The following NRXN3 variants were observed in gnomAD, a reference collection of about 807,000 sequenced individuals.
NRXN3 encodes neurexin 3.
Under a neutral mutation model 137.6 loss-of-function variants are expected in NRXN3, and 32 were observed. That is an observed-to-expected ratio of 0.23 (90% CI 0.18 to 0.31). NRXN3 has a LOEUF of 0.31. NRXN3 is among the 10% of genes least tolerant of loss of function. The pLI, the probability that NRXN3 is intolerant of heterozygous loss-of-function variation, is 1.00. For missense variants in NRXN3, 1,574 were observed against 2,062.5 expected (o/e 0.76, Z 4.59); for synonymous variants, 798 against 784.5 (o/e 1.02, Z -0.29).
At chr14:78,929,517 A>T (rs1252018524) in intron 10 of NRXN3, among the ~76,000 whole-genome samples, 1 of 152,066 alleles carries the variant, frequency 6.6e-6, no homozygotes, top group Non-Finnish European at 1.5e-5. Context: ...TCCATCCATG[A>T]TCCTGTAAAG....
intron 1 of NRXN3, among the ~76,000 whole-genome samples, chr14:78,190,638 T>TATTG (rs2060631446): frequency 2.0e-5 from 1 of 49,720 alleles, no homozygotes; most frequent in Admixed American, 1.5e-4. Flanking sequence ...TTTATTTATT[T>TATTG]ATTTATTTAT....
chr14:79,350,708 G>T (rs997038209), intron 15 of NRXN3, among the ~76,000 whole-genome samples: 43 of 152,120 alleles, frequency 2.8e-4, no homozygotes, highest in Admixed American at 1.3e-3. Context: ...TAAGGAGTAA[G>T]GTATTAGAGT....
chr14:79,183,840 C>G (rs1474729322), intron 15 of NRXN3, among the ~76,000 whole-genome samples: 2 of 152,200 alleles, frequency 1.3e-5, no homozygotes, highest in African/African-American at 2.4e-5. Flanking sequence ...AAGTTGACTT[C>G]CATAGCGTAG....
At chr14:79,120,695 T>C (rs931500730) in intron 15 of NRXN3, among the ~76,000 whole-genome samples, 1 of 152,152 alleles carries the variant, frequency 6.6e-6, no homozygotes, top group Non-Finnish European at 1.5e-5. Flanking sequence ...CACCTTTTCT[T>C]CTTTGAACAT....
At chr14:78,761,194 A>C (rs768222719) in intron 8 of NRXN3, among the ~76,000 whole-genome samples, 1 of 152,164 alleles carries the variant, frequency 6.6e-6, no homozygotes, top group African/African-American at 2.4e-5. Flanking sequence ...TCCACCCACC[A>C]TTCACAATAT....
Position 79,680,842 on chromosome 14 carries a change from C to T in NRXN3, c.3617-11331C>T, listed in dbSNP as rs1024238171. Among the ~76,000 whole-genome samples, 4 of 152,196 alleles carry T rather than the reference C, an allele frequency of 2.6e-5. No individual in the cohort carries two copies. In the East Asian group the frequency reaches 7.8e-4, roughly 30 times the overall value. ...GAGATCTTCCTCTCCACTCCTCATC[C>T]AAAGAGTGATAGAAGGAGGTCAGAT... On this transcript the variant is annotated intron_variant, in intron 17 of 20. Transcript: ENST00000335750.
intron 20 of NRXN3, among the ~76,000 whole-genome samples, chr14:79,843,530 G>T (rs1422513873): frequency 6.6e-6 from 1 of 152,106 alleles, no homozygotes; most frequent in African/African-American, 2.4e-5. Context: ...AGATTTCTCT[G>T]TAGCATGCAA....
At chr14:78,631,560 C>T (rs1339147178) in intron 4 of NRXN3, among the ~76,000 whole-genome samples, 4 of 152,236 alleles carry the variant, frequency 2.6e-5, no homozygotes, top group African/African-American at 9.6e-5. Context: ...TTATCCATCA[C>T]AAATGTCTTT....
chr14:78,915,504 A>T (rs1338437466), intron 10 of NRXN3, among the ~76,000 whole-genome samples: 1 of 152,086 alleles, frequency 6.6e-6, no homozygotes, highest in East Asian at 1.9e-4. Context: ...GTTATGAGAA[A>T]TATTCTAGAT....
chr14:78,600,387 T>C (rs890606992), intron 4 of NRXN3, among the ~76,000 whole-genome samples: 1 of 152,170 alleles, frequency 6.6e-6, no homozygotes, highest in African/African-American at 2.4e-5. Context: ...AAAATGTGTG[T>C]CTCTTGTCCC....
In NRXN3 at chr14:79,863,182, T is replaced by A. The variant is rs2141980456; in HGVS notation, c.*1218T>A. The A allele has an allele frequency of 6.5e-6, 1 of 152,680 alleles. No homozygotes were observed. Among genetic ancestry groups the A allele is most frequent in the South Asian group, 2.1e-4 (1 of 4,820 alleles). The allele number at this position is 152,680 out of a possible 1,614,324, so 9.5% of individuals were successfully genotyped here. A position where few individuals can be genotyped will look rare whatever the true frequency, so the allele number is the denominator to read the frequency against. Reference sequence around the variant, plus strand: ...ACAATGGTTTTCATAGTGGTTTAATTTTGTAGCCTGACATTTATGGATAAC... The same window carrying A: ...ACAATGGTTTTCATAGTGGTTTAATATTGTAGCCTGACATTTATGGATAAC... On this transcript the variant is annotated 3_prime_UTR_variant, in exon 21 of 21. Transcript: ENST00000335750.
intron 16 of NRXN3, among the ~76,000 whole-genome samples, chr14:79,532,351 G>C (rs563726984): frequency 3.3e-5 from 5 of 152,214 alleles, no homozygotes; most frequent in Admixed American, 2.6e-4. Flanking sequence ...AAAAATGTAA[G>C]TTACAAAAGC....
intron 16 of NRXN3, among the ~76,000 whole-genome samples, chr14:79,554,386 G>A (rs555336475): frequency 6.6e-6 from 1 of 152,146 alleles, no homozygotes; most frequent in African/African-American, 2.4e-5. Flanking sequence ...GTTCTTCATT[G>A]AGCATGACAT....
At chr14:79,571,191 G>A (rs74981723) in intron 16 of NRXN3, among the ~76,000 whole-genome samples, 2 of 152,220 alleles carry the variant, frequency 1.3e-5, no homozygotes, top group African/African-American at 4.8e-5. Context: ...CTTTAGGTAC[G>A]CTGTGGCATG....
intron 8 of NRXN3, among the ~76,000 whole-genome samples, chr14:78,800,520 T>G (rs1442950701): frequency 6.6e-6 from 1 of 152,202 alleles, no homozygotes; most frequent in East Asian, 1.9e-4. Flanking sequence ...CTTCATAATA[T>G]GTCTTATTGT....
chr14:78,709,134 A>T, intron 6 of NRXN3, 83 bp from the exon 7 acceptor site: 2 of 1,353,320 alleles, frequency 1.5e-6, no homozygotes, highest in Admixed American at 2.3e-5. Flanking sequence ...TTTTTGGGTC[A>T]TTTTTCCAGG....
intron 4 of NRXN3, among the ~76,000 whole-genome samples, chr14:78,379,059 G>A (rs138770239): frequency 2.2e-4 from 33 of 151,422 alleles, no homozygotes; most frequent in Admixed American, 1.2e-3. Context: ...AAAATCTACC[G>A]CAACTTGGTA....
At position 78,993,525 on chromosome 14, in the gene NRXN3, G is replaced by A. The variant is rs567540526; in HGVS notation, c.3262+5384G>A. Reference sequence around the variant, plus strand: ...TGTTTTCAGACTCTACCTGCCCAGCGAATAGGCCATATGTAAGAAGTTCAC... The same window carrying A: ...TGTTTTCAGACTCTACCTGCCCAGCAAATAGGCCATATGTAAGAAGTTCAC... On this transcript the variant is annotated intron_variant, in intron 15 of 20. Coordinates refer to ENST00000335750, the MANE Select transcript of NRXN3 (RefSeq NM_001330195.2). Among the ~76,000 whole-genome samples the A allele has an allele frequency of 1.9e-4, 29 of 152,246 alleles. No individual in the cohort carries two copies. The East Asian group carries it at 3.7e-3, about 19-fold the overall frequency.
intron 15 of NRXN3, among the ~76,000 whole-genome samples, chr14:79,203,992 T>C (rs2066430477): frequency 6.6e-6 from 1 of 152,106 alleles, no homozygotes; most frequent in South Asian, 2.1e-4. Context: ...GCTACCATCA[T>C]GGCATCATGA....
Sources: gnomAD v4.1 joint callset for allele counts (sites outside exome capture counted in the v4.1 genomes callset) on GRCh38, gnomAD v4.1.1 for gene constraint, MANE v1.5 for transcripts, NCBI Gene and HGNC (gene_info 2026-07-23, HGNC 2026-07-21) for gene names.